Variants in LRFN2 observed in about 807,000 individuals in gnomAD.
LRFN2 encodes leucine rich repeat and fibronectin type III domain containing 2, also known as leucine-rich repeat and fibronectin type-III domain-containing protein 2.
LRFN2 carries 18 observed loss-of-function variants against 37.3 expected under a neutral mutation model. The observed-to-expected ratio is 0.48, with a 90% CI of 0.33 to 0.72. The LOEUF (loss-of-function observed/expected upper bound fraction) is 0.72, where lower values mean the gene tolerates loss of function less well. Among genes scored for constraint, LRFN2 ranks in the 30% least tolerant of loss-of-function variants. The pLI is 0.02. For synonymous variants in LRFN2, 556 were observed against 466.6 expected (o/e 1.19, Z -2.47); for missense variants, 1,006 against 1,060.7 (o/e 0.95, Z 0.72).
intron 1 of LRFN2, among the ~76,000 whole-genome samples, chr6:40,470,325 T>C (rs1225308760): frequency 6.6e-6 from 1 of 152,182 alleles, no homozygotes; most frequent in Non-Finnish European, 1.5e-5. Context: ...TTTAAGACGC[T>C]GTGTGGCTGG....
Position 40,432,310 on chromosome 6 carries a change from T to G in LRFN2, c.804A>C (p.Pro268=), listed in dbSNP as rs1581700067. The change falls in exon 2 of 3, where the codon CCA becomes CCC. Residue 268 remains proline (P), a synonymous_variant. Transcript: ENST00000338305. ...RDDDLETCGS[P]GGLKGRYFWH... The stretch of plus-strand genomic sequence containing the variant: ...AGAAGTAGCGACCCTTGAGGCCCCC[T>G]GGGGAGCCACAGGTTTCCAGGTCAT... 1.2e-6 allele frequency: 2 copies of G among 1,614,004 alleles called. No homozygotes were observed. Among genetic ancestry groups the G allele is most frequent in the Non-Finnish European group, 1.7e-6 (2 of 1,180,034 alleles).
At chr6:40,464,668 C>T (rs113642593) in intron 1 of LRFN2, among the ~76,000 whole-genome samples, 2,419 of 152,340 alleles carry the variant, frequency 0.016, 63 homozygotes, top group African/African-American at 0.055. Context: ...CCACCATTCC[C>T]ATGCATTCTG....
At chr6:40,450,240 A>G (rs1393200259) in intron 1 of LRFN2, among the ~76,000 whole-genome samples, 1 of 152,150 alleles carries the variant, frequency 6.6e-6, no homozygotes, top group Non-Finnish European at 1.5e-5. Context: ...TTCTCATGCT[A>G]GAACCACCTG....
At chr6:40,569,533 G>A (rs867188505) in intron 1 of LRFN2, among the ~76,000 whole-genome samples, 8 of 152,170 alleles carry the variant, frequency 5.3e-5, no homozygotes, top group African/African-American at 9.7e-5. Flanking sequence ...AGTGACACCC[G>A]TTTGGCATAG....
chr6:40,491,068 A>G (rs1321849011), intron 1 of LRFN2, among the ~76,000 whole-genome samples: 1 of 152,116 alleles, frequency 6.6e-6, no homozygotes, highest in Non-Finnish European at 1.5e-5. Flanking sequence ...GGCGGTGGAG[A>G]TGGCGGTCAC....
At chr6:40,548,440 C>CAAAAAAAA (rs67639435) in intron 1 of LRFN2, among the ~76,000 whole-genome samples, 4 of 142,650 alleles carry the variant, frequency 2.8e-5, no homozygotes, top group African/African-American at 7.7e-5. Context: ...GACTCCATCT[C>CAAAAAAAA]AAAAAAAAAA....
At chr6:40,498,564 T>C (rs1340957056) in intron 1 of LRFN2, among the ~76,000 whole-genome samples, 1 of 152,236 alleles carries the variant, frequency 6.6e-6, no homozygotes, top group Non-Finnish European at 1.5e-5. Flanking sequence ...TATTCACATC[T>C]GAAAGTTCAG....
rs1473924755 is a variant in LRFN2 at position 40,392,912 on chromosome 6, C to T, written c.1401G>A (p.Arg467=). The T allele has an allele frequency of 1.2e-6, 2 of 1,603,118 alleles. No individual in the cohort carries two copies. Among genetic ancestry groups the T allele is most frequent in the East Asian group, 2.2e-5 (1 of 44,746 alleles). The stretch of plus-strand genomic sequence containing the variant: ...AGGCCTTGTTGGAGGCTGGGATCAT[C>T]CTGGGGAGGGAGGTGGACAGAAATA... ...NCSDDEVLIY[R]MIPASNKAFV... The change falls in exon 3 of 3, where the codon AGG becomes AGA. Residue 467 remains arginine (R), a splice_region_variant and synonymous_variant. Transcript: ENST00000338305. The surrounding 1 kb of genome is among the most constrained non-coding windows in gnomAD (Gnocchi z 4.7).
At position 40,546,845 on chromosome 6, in the gene LRFN2, T is replaced by TA. The variant is rs747883712; in HGVS notation, c.-19+40095dup. Among the ~76,000 whole-genome samples, 3 of 152,214 alleles carry TA rather than the reference T, an allele frequency of 2.0e-5. No homozygotes were observed. The East Asian group carries it at 5.8e-4, about 29-fold the overall frequency. On this transcript the variant is annotated intron_variant, in intron 1 of 2. Transcript: ENST00000338305. ...CTAGAGGCAAGGAGTGAGTATGCGA[T>TA]AGAGTCAAGTTTGAGCTCAAGCAAT...
At position 40,392,193 on chromosome 6, in the gene LRFN2, C is replaced by T. The variant is rs1261269082; in HGVS notation, c.2120G>A (p.Arg707Lys). The change falls in exon 3 of 3, where the codon AGG becomes AAG. Residue 707 changes from arginine (R) to lysine (K), a missense_variant. Around this residue, in one of 4 missense-constraint regions of LRFN2, gnomAD observed 398 missense variants for 327.6 expected, o/e 1.21. Transcript: ENST00000338305. The surrounding 1 kb of genome is among the most constrained non-coding windows in gnomAD (Gnocchi z 4.7). ...PLLGPPAARA[R>K]SLLPLPLEGK... ...CTCCAACGGCAAGGGGAGCAGGCTC[C>T]TGGCCCGGGCCGCAGGGGGCCCCAG... 6.3e-7 allele frequency: 1 copy of T among 1,581,350 alleles called. No individual in the cohort carries two copies. The highest frequency in any genetic ancestry group is 8.6e-7 in the Non-Finnish European group (1 of 1,163,808).
intron 1 of LRFN2, among the ~76,000 whole-genome samples, chr6:40,572,266 G>A (rs929887031): frequency 5.3e-5 from 8 of 152,166 alleles, no homozygotes; most frequent in South Asian, 2.1e-4. Flanking sequence ...TAAGTACAAA[G>A]GGCTTAAAAC....
chr6:40,468,458 G>T (rs1001071971), intron 1 of LRFN2, among the ~76,000 whole-genome samples: 4 of 152,164 alleles, frequency 2.6e-5, no homozygotes, highest in Non-Finnish European at 5.9e-5. Flanking sequence ...GGAAGAAGGG[G>T]TGTTTGAATG....
At chr6:40,430,368 C>A (rs1323701032) in intron 2 of LRFN2, among the ~76,000 whole-genome samples, 2 of 152,216 alleles carry the variant, frequency 1.3e-5, no homozygotes, top group African/African-American at 4.8e-5. Context: ...TGGAGGAGAC[C>A]TCCAGGATGG....
At chr6:40,450,879 G>A (rs1304622267) in intron 1 of LRFN2, among the ~76,000 whole-genome samples, 4 of 152,190 alleles carry the variant, frequency 2.6e-5, no homozygotes, top group Non-Finnish European at 5.9e-5. Flanking sequence ...TGAATGCTCA[G>A]ACAGAGGAGG....
intron 2 of LRFN2, among the ~76,000 whole-genome samples, chr6:40,396,073 A>G (rs1183447677): frequency 2.6e-5 from 3 of 115,212 alleles, no homozygotes; most frequent in African/African-American, 9.7e-5. Context: ...TAGTACTACT[A>G]CTAATAGCAA....
chr6:40,435,816 T>TA (rs981036181), intron 1 of LRFN2, among the ~76,000 whole-genome samples: 1 of 152,108 alleles, frequency 6.6e-6, no homozygotes. Flanking sequence ...TTATTTTTTT[T>TA]AAAAAAGATA....
intron 1 of LRFN2, among the ~76,000 whole-genome samples, chr6:40,456,310 A>G (rs1254415982): frequency 2.0e-5 from 3 of 152,244 alleles, no homozygotes; most frequent in Admixed American, 6.5e-5. Context: ...GTGTGAATTC[A>G]TTTCAGACTG....
intron 1 of LRFN2, among the ~76,000 whole-genome samples, chr6:40,457,915 C>A (rs1249161308): frequency 2.0e-5 from 3 of 152,102 alleles, no homozygotes; most frequent in Non-Finnish European, 4.4e-5. Flanking sequence ...TCCTGTCCTG[C>A]CATGAGGGTC....
At chr6:40,545,404 A>G (rs1160928629) in intron 1 of LRFN2, among the ~76,000 whole-genome samples, 1 of 152,228 alleles carries the variant, frequency 6.6e-6, no homozygotes, top group Non-Finnish European at 1.5e-5. Context: ...AATGCAGAGC[A>G]GGCAGCCACA....
Sources: gnomAD v4.1 joint callset for allele counts (sites outside exome capture counted in the v4.1 genomes callset) on GRCh38, gnomAD v4.1.1 for gene constraint, gnomAD v4.1.1 regional missense constraint, Gnocchi (gnomAD v3.1) non-coding constraint, MANE v1.5 for transcripts, NCBI Gene and HGNC (gene_info 2026-07-23, HGNC 2026-07-21) for gene names.